The following TXLNB variants were observed in gnomAD, a reference collection of about 807,000 sequenced individuals.
TXLNB encodes the protein taxilin beta, also known as beta-taxilin.
Under a neutral mutation model 57.4 loss-of-function variants are expected in TXLNB, and 37 were observed. The observed-to-expected ratio is 0.64, with a 90% confidence interval of 0.50 to 0.85. The LOEUF is 0.85. Ranked by LOEUF, TXLNB falls within the 40% of genes least tolerant of loss-of-function variation. TXLNB has a pLI of 0.00. For synonymous variants in TXLNB, 302 were observed against 309.6 expected (o/e 0.98, Z 0.26); for missense variants, 848 against 825.6 (o/e 1.03, Z -0.33).
chr6:139,321,775 T>G, the TXLNB span, among the ~76,000 whole-genome samples: 6,353 of 151,008 alleles, frequency 0.042, 447 homozygotes, highest in African/African-American at 0.14. Flanking sequence ...GGGACTACAG[T>G]TTCCCACCAC....
Position 139,255,544 on chromosome 6 carries a change from C to T in TXLNB, c.1077+20G>A. On this transcript the variant is annotated intron_variant, in intron 7 of 9. Transcript: ENST00000358430. ...GGACAGTGAGGACAGCACCCCCATG[C>T]CTCGTCCACCTGGCCTCACCTGAGC... is the stretch of plus-strand genomic sequence containing the variant. 1 of 1,611,346 alleles carries T rather than the reference C, an allele frequency of 6.2e-7. No homozygotes were observed. The highest frequency in any genetic ancestry group is 1.1e-5 in the South Asian group (1 of 91,004).
At chr6:139,310,533 C>A in the TXLNB span, among the ~76,000 whole-genome samples, 2 of 152,334 alleles carry the variant, frequency 1.3e-5, no homozygotes, top group East Asian at 3.9e-4. Context: ...TTAAGGATAG[C>A]CACTCTATCT....
At position 139,265,695 on chromosome 6, in the gene TXLNB, T is replaced by C. The variant is rs1195589558; in HGVS notation, c.688-2922A>G. Among the ~76,000 whole-genome samples the C allele has an allele frequency of 5.3e-5, 8 of 152,272 alleles. No homozygotes were observed. The East Asian group carries it at 1.3e-3, about 26-fold the overall frequency. On this transcript the variant is annotated intron_variant, in intron 4 of 9. Transcript: ENST00000358430. The stretch of plus-strand genomic sequence containing the variant: ...ACTCTGGATGAAATGCAAGAAACAA[T>C]GATGACACTAGAGAGTAAACAAAAT...
At chr6:139,290,776 T>C (rs987543203) in intron 1 of TXLNB, among the ~76,000 whole-genome samples, 2 of 152,216 alleles carry the variant, frequency 1.3e-5, no homozygotes, top group African/African-American at 2.4e-5. Flanking sequence ...CATAAAAATG[T>C]GGCAAGATCC....
chr6:139,163,951 A>C, the TXLNB span, among the ~76,000 whole-genome samples: 87 of 152,132 alleles, frequency 5.7e-4, 1 homozygote, highest in African/African-American at 2.0e-3. Context: ...GTACACAGGC[A>C]CTTCTAAATC....
At chr6:139,173,168 G>A in the TXLNB span, among the ~76,000 whole-genome samples, 1 of 152,206 alleles carries the variant, frequency 6.6e-6, no homozygotes, top group African/African-American at 2.4e-5. Flanking sequence ...CAATGCCGTA[G>A]AGCAGAGGTG....
intron 8 of TXLNB, among the ~76,000 whole-genome samples, chr6:139,245,227 A>G (rs1384724001): frequency 6.6e-6 from 1 of 152,208 alleles, no homozygotes; most frequent in Admixed American, 6.5e-5. Flanking sequence ...CAGTCCCACA[A>G]GGAAGGTTCT....
At chr6:139,273,228 C>A (rs1463182021) in intron 3 of TXLNB, among the ~76,000 whole-genome samples, 1 of 152,126 alleles carries the variant, frequency 6.6e-6, no homozygotes, top group Admixed American at 6.5e-5. Flanking sequence ...CAACACCATC[C>A]CTAGCCCCTA....
the TXLNB span, among the ~76,000 whole-genome samples, chr6:139,185,449 C>T: frequency 6.6e-6 from 1 of 152,146 alleles, no homozygotes; most frequent in Non-Finnish European, 1.5e-5. Flanking sequence ...GGCCTGTAAT[C>T]CCAGCGCTTT....
the TXLNB span, among the ~76,000 whole-genome samples, chr6:139,318,817 C>T: frequency 2.4e-4 from 36 of 151,986 alleles, no homozygotes; most frequent in East Asian, 6.4e-3. Context: ...ATGTAGCAAT[C>T]TCTATAAATA....
At chr6:139,177,094 G>A in the TXLNB span, 2 of 851,606 alleles carry the variant, frequency 2.3e-6, no homozygotes, top group Admixed American at 1.7e-5. The surrounding 1 kb of genome is among the most constrained non-coding windows in gnomAD (Gnocchi z 4.9). Context: ...CAAAGTTCTC[G>A]AAGCTTATTG....
intron 7 of TXLNB, among the ~76,000 whole-genome samples, chr6:139,253,446 A>G (rs1037249524): frequency 1.3e-5 from 2 of 152,174 alleles, no homozygotes; most frequent in African/African-American, 4.8e-5. Flanking sequence ...TAGGCCTCTC[A>G]GGGGTTGCAC....
chr6:139,179,735 T>C, the TXLNB span: 1 of 152,170 alleles, frequency 6.6e-6, no homozygotes, highest in African/African-American at 2.4e-5. Flanking sequence ...CCCTGAATAC[T>C]TTGATTGGAA....
At chr6:139,191,911 A>G in the TXLNB span, among the ~76,000 whole-genome samples, 8 of 152,294 alleles carry the variant, frequency 5.3e-5, no homozygotes, top group African/African-American at 1.9e-4. Flanking sequence ...GTAACTTCCC[A>G]AAGCTGGAGT....
intron 1 of TXLNB, among the ~76,000 whole-genome samples, chr6:139,289,304 C>T (rs1039569643): frequency 6.6e-6 from 1 of 150,788 alleles, no homozygotes; most frequent in Non-Finnish European, 1.5e-5. Context: ...ATCTAATTAC[C>T]GGTGCATGCA....
the TXLNB span, chr6:139,166,387 C>G: frequency 6.2e-7 from 1 of 1,614,224 alleles, no homozygotes; most frequent in Non-Finnish European, 8.5e-7. Context: ...ACTGCCCCTG[C>G]AGCACCTGGA....
chr6:139,219,369 C>A, the TXLNB span, among the ~76,000 whole-genome samples: 4 of 152,202 alleles, frequency 2.6e-5, no homozygotes, highest in African/African-American at 4.8e-5. Context: ...ACATCTCCAG[C>A]GGTTCAGTAG....
the TXLNB span, among the ~76,000 whole-genome samples, chr6:139,217,314 A>G: frequency 6.6e-6 from 1 of 152,230 alleles, no homozygotes; most frequent in Non-Finnish European, 1.5e-5. Flanking sequence ...TGAAGTCAGC[A>G]GCTGAAAGAT....
the TXLNB span, chr6:139,183,063 A>G: frequency 6.6e-6 from 1 of 152,278 alleles, no homozygotes; most frequent in Non-Finnish European, 1.5e-5. Context: ...CATAGAATTT[A>G]GACGTGTCAG....
Sources: gnomAD v4.1 joint callset for allele counts (sites outside exome capture counted in the v4.1 genomes callset) on GRCh38, gnomAD v4.1.1 for gene constraint, Gnocchi (gnomAD v3.1) non-coding constraint, MANE v1.5 for transcripts, NCBI Gene and HGNC (gene_info 2026-07-23, HGNC 2026-07-21) for gene names.